Variants in PHKA1 observed in about 807,000 individuals in gnomAD.
PHKA1 encodes the protein phosphorylase b kinase regulatory subunit alpha, skeletal muscle isoform.
In PHKA1, 60 loss-of-function variants were observed where a neutral mutation model predicts 110.2. The observed-to-expected ratio is 0.54, with a 90% CI of 0.44 to 0.68. The LOEUF (loss-of-function observed/expected upper bound fraction) is 0.68, where lower values mean the gene tolerates loss of function less well. PHKA1 is among the 30% of genes least tolerant of loss of function. The probability of loss-of-function intolerance (pLI) is 0.00; values close to 1 mark genes in which losing one functional copy is unlikely to be tolerated. For missense variants in PHKA1, 801 were observed against 942.5 expected (o/e 0.85, Z 1.97); for synonymous variants, 316 against 333.6 (o/e 0.95, Z 0.58).
chrX:72,684,969 T>A (rs1339126185), intron 4 of PHKA1, among the ~76,000 whole-genome samples: 1 of 111,562 alleles, frequency 9.0e-6, no homozygotes, highest in East Asian at 2.8e-4. Flanking sequence ...TAGATAAAAT[T>A]ATGATTTTAA....
At chrX:72,679,836 T>C (rs1218518020) in intron 5 of PHKA1, among the ~76,000 whole-genome samples, 1 of 109,759 alleles carries the variant, frequency 9.1e-6, no homozygotes, top group Non-Finnish European at 1.9e-5. Flanking sequence ...TATTGAATAC[T>C]CGAAGGAAGG....
intron 4 of PHKA1, among the ~76,000 whole-genome samples, chrX:72,694,430 G>A (rs782695770): frequency 1.8e-5 from 2 of 111,860 alleles, no homozygotes; most frequent in South Asian, 3.8e-4. Context: ...ACAGGCCCTC[G>A]AATAGCTAGT....
rs1556228094 is a variant in PHKA1 at position 72,593,142 on chromosome X, C to T, written c.3205G>A (p.Val1069Ile). 2 of 1,202,730 alleles carry T rather than the reference C, an allele frequency of 1.7e-6. No individual in the cohort carries two copies. The highest frequency in any genetic ancestry group is 1.1e-6 in the Non-Finnish European group (1 of 887,118). ...RLDGALNRVP[V>I]GFYQKVWKVL... ...TTCCATACTTTCTGATAAAATCCAA[C>T]TGGAACTCTATTCAGTGCCCCATCC... The change falls in exon 29 of 32, where the codon GTT (valine) becomes ATT (isoleucine). Residue 1069 changes from valine (V) to isoleucine (I), a missense_variant. Val to Ile is a conservative substitution (Grantham distance 29). Coordinates refer to ENST00000373542, the MANE Select transcript of PHKA1 (RefSeq NM_002637.4).
chrX:72,642,686 G>T, intron 14 of PHKA1, among the ~76,000 whole-genome samples: 1 of 110,883 alleles, frequency 9.0e-6, no homozygotes, highest in Non-Finnish European at 1.9e-5. Flanking sequence ...AGCCTCAGAA[G>T]TTTCAGGAGC....
intron 17 of PHKA1, 21 bp from the exon 18 acceptor site, chrX:72,623,296 G>C (rs1556280335): frequency 8.6e-7 from 1 of 1,165,393 alleles, no homozygotes; most frequent in South Asian, 1.8e-5. Context: ...GAGGAGGATA[G>C]AAAACAGAAA....
intron 23 of PHKA1, among the ~76,000 whole-genome samples, chrX:72,607,017 C>G (rs1430590827): frequency 9.0e-6 from 1 of 111,461 alleles, no homozygotes. Context: ...ACATAATGAC[C>G]TCCAGTTCCA....
chrX:72,669,256 A>C (rs1181641166), intron 6 of PHKA1, among the ~76,000 whole-genome samples: 1 of 111,232 alleles, frequency 9.0e-6, no homozygotes, highest in Non-Finnish European at 1.9e-5. Context: ...CTGCAACCCC[A>C]TGTTTCTGCT....
chrX:72,661,171 G>A (rs1374820048), intron 8 of PHKA1, among the ~76,000 whole-genome samples: 1 of 112,100 alleles, frequency 8.9e-6, no homozygotes, highest in Non-Finnish European at 1.9e-5. Flanking sequence ...TTTCATTTTT[G>A]GAGAACTTCA....
chrX:72,616,680 C>T (rs2052902416), intron 21 of PHKA1, among the ~76,000 whole-genome samples: 1 of 111,717 alleles, frequency 9.0e-6, no homozygotes, highest in Non-Finnish European at 1.9e-5. Flanking sequence ...CAGAACATTC[C>T]ATCCAAAAGC....
chrX:72,632,939 T>C (rs1267495869), intron 16 of PHKA1, among the ~76,000 whole-genome samples: 1 of 112,190 alleles, frequency 8.9e-6, no homozygotes, highest in African/African-American at 3.2e-5. Flanking sequence ...ATTGTTATTG[T>C]TGTTTTTGTT....
chrX:72,680,036 A>G (rs2053828225), intron 5 of PHKA1, among the ~76,000 whole-genome samples: 1 of 108,751 alleles, frequency 9.2e-6, no homozygotes, highest in East Asian at 2.9e-4. Context: ...TTTGAGACAG[A>G]GTCTCACTCT....
chrX:72,688,732 T>C (rs1370008042), intron 4 of PHKA1, among the ~76,000 whole-genome samples: 3 of 112,639 alleles, frequency 2.7e-5, no homozygotes, highest in Non-Finnish European at 3.7e-5. Flanking sequence ...AAATGTGTAC[T>C]TGAATTTTAA....
At chrX:72,597,221 G>A (rs1465321259) in intron 28 of PHKA1, among the ~76,000 whole-genome samples, 1 of 112,117 alleles carries the variant, frequency 8.9e-6, no homozygotes, top group Admixed American at 9.5e-5. Flanking sequence ...TTGGATTCTG[G>A]GAGAGTTCTC....
In PHKA1 at chrX:72,636,297, T is replaced by C. The variant is rs1556291756; in HGVS notation, c.1549A>G (p.Ile517Val). 1 of 1,188,256 alleles carries C rather than the reference T, an allele frequency of 8.4e-7. No individual in the cohort carries two copies. The change falls in exon 15 of 32, where the codon ATC becomes GTC. Residue 517 changes from isoleucine to valine, a missense_variant. This residue lies in a region of PHKA1 where 299 missense variants were observed against 423.3 expected (regional missense o/e 0.71). Coordinates refer to ENST00000373542, the MANE Select transcript of PHKA1 (RefSeq NM_002637.4). ...CCCACCTGTGGAGTGAAAGTAAAGA[T>C]AGTTTTCCGAATGTCATAGAGTTTT... ...TSKLYDIRKT[I>V]FTFTPQFIDQ...
rs782592114 is a variant in PHKA1, at chrX:72,636,286, G to A, written c.1560C>T (p.Phe520=). Residue 520 remains phenylalanine, a synonymous_variant, in exon 15 of 32, where the codon TTC becomes TTT. Coordinates refer to ENST00000373542, the MANE Select transcript of PHKA1 (RefSeq NM_002637.4). ...AGTTTATTTCACCCACCTGTGGAGTGAAAGTAAAGATAGTTTTCCGAATGT... is the reference window on the plus strand; with the variant it reads ...AGTTTATTTCACCCACCTGTGGAGTAAAAGTAAAGATAGTTTTCCGAATGT... ...LYDIRKTIFT[F]TPQFIDQQQF... is the part of the protein sequence containing the mutation. 2 of 1,157,493 alleles carry A rather than the reference G, an allele frequency of 1.7e-6. No individual in the cohort carries two copies. The highest frequency in any genetic ancestry group is 2.4e-6 in the Non-Finnish European group (2 of 846,093).
chrX:72,642,574 G>A (rs2053310071), intron 14 of PHKA1, among the ~76,000 whole-genome samples: 1 of 110,764 alleles, frequency 9.0e-6, no homozygotes, highest in Non-Finnish European at 1.9e-5. Context: ...GTGCATTATA[G>A]GTCTGGGGTG....
chrX:72,676,763 T>G (rs782673414), intron 5 of PHKA1, among the ~76,000 whole-genome samples: 1 of 111,906 alleles, frequency 8.9e-6, no homozygotes, highest in Admixed American at 9.5e-5. Context: ...CTGAATCATA[T>G]AGCCTTTAAA....
At chrX:72,584,799 C>T (rs3788794) in intron 29 of PHKA1, among the ~76,000 whole-genome samples, 7,482 of 107,361 alleles carry the variant, frequency 0.07, 837 homozygotes, top group East Asian at 0.66. Flanking sequence ...ATGTGCACAA[C>T]GTGCAGGTTT....
intron 16 of PHKA1, among the ~76,000 whole-genome samples, chrX:72,628,599 T>TCCCATATAAATATATATATATATATATA (rs2053122107): frequency 9.6e-6 from 1 of 104,051 alleles, no homozygotes; most frequent in African/African-American, 3.5e-5. Flanking sequence ...TATATATATT[T>TCCCATATAAATATATATATATATATATA]TTTTTTTTCA....
Sources: allele counts gnomAD v4.1 joint callset (sites outside exome capture counted in the v4.1 genomes callset), GRCh38; gene constraint gnomAD v4.1.1; regional missense constraint gnomAD v4.1.1; transcripts MANE v1.5; gene names NCBI Gene and HGNC (gene_info 2026-07-23, HGNC 2026-07-21).